The following KCNH5 variants were observed in gnomAD, a reference collection of about 807,000 sequenced individuals.
KCNH5 encodes voltage-gated delayed rectifier potassium channel KCNH5.
Under a neutral mutation model 96.1 loss-of-function variants are expected in KCNH5, and 46 were observed. That is an observed-to-expected ratio of 0.48 (90% CI 0.38 to 0.61). KCNH5 has a LOEUF of 0.61. KCNH5 is among the 20% of genes least tolerant of loss of function. The pLI, the probability that KCNH5 is intolerant of heterozygous loss-of-function variation, is 0.00. For synonymous variants in KCNH5, 439 were observed against 449.8 expected (o/e 0.98, Z 0.30); for missense variants, 907 against 1,225.8 (o/e 0.74, Z 3.88).
At chr14:62,886,542 T>C (rs1473823228) in intron 7 of KCNH5, among the ~76,000 whole-genome samples, 1 of 152,270 alleles carries the variant, frequency 6.6e-6, no homozygotes, top group East Asian at 1.9e-4. Context: ...GTGATACCAG[T>C]TGAAAAGGTA....
intron 8 of KCNH5, among the ~76,000 whole-genome samples, chr14:62,828,205 T>G (rs1227583487): frequency 1.3e-5 from 2 of 152,182 alleles, no homozygotes; most frequent in African/African-American, 2.4e-5. Flanking sequence ...TTTTCTATAT[T>G]TAATTTAATC....
intron 2 of KCNH5, among the ~76,000 whole-genome samples, chr14:63,010,427 T>G (rs1891203533): frequency 6.6e-6 from 1 of 152,190 alleles, no homozygotes; most frequent in African/African-American, 2.4e-5. Flanking sequence ...CCAGGAACCA[T>G]GCTTTCCAAA....
At chr14:63,019,954 A>G (rs115601095) in intron 1 of KCNH5, among the ~76,000 whole-genome samples, 2,620 of 152,236 alleles carry the variant, frequency 0.017, 88 homozygotes, top group African/African-American at 0.06. Flanking sequence ...TCTTATCCAG[A>G]AAATACAAAA....
In KCNH5 at chr14:62,708,015, G is replaced by A; in HGVS notation, c.2460C>T (p.Ala820=). The A allele has an allele frequency of 6.2e-7, 1 of 1,613,974 alleles. No homozygotes were observed. The highest frequency in any genetic ancestry group is 8.5e-7 in the Non-Finnish European group (1 of 1,180,004). Residue 820 remains alanine (A), a synonymous_variant, in exon 11 of 11, where the codon GCC becomes GCT. Coordinates refer to ENST00000322893, the MANE Select transcript of KCNH5 (RefSeq NM_139318.5). Reference sequence around the variant, plus strand: ...TCCAGTCTTCCTTTTTCTCCTCATGGGCTCCCATATTATTCTTGAGTCGCA... The same window carrying A: ...TCCAGTCTTCCTTTTTCTCCTCATGAGCTCCCATATTATTCTTGAGTCGCA... ...GWLRLKNNMG[A]HEEKKEDWNN... is the part of the protein sequence containing the mutation.
At chr14:62,930,180 C>G (rs1376952808) in intron 7 of KCNH5, among the ~76,000 whole-genome samples, 1 of 152,076 alleles carries the variant, frequency 6.6e-6, no homozygotes, top group African/African-American at 2.4e-5. Context: ...AATATTAACT[C>G]TGTTTTAAGT....
chr14:62,705,065 T>G lies in KCNH5; in HGVS notation c.*2443A>C, dbSNP rs1884404648. 6.6e-6 allele frequency: 1 copy of G among 151,980 alleles called. No individual in the cohort carries two copies. The highest frequency in any genetic ancestry group is 2.4e-5 in the African/African-American group (1 of 41,440). The allele number at this position is 151,980 out of a possible 1,614,324, so 9.4% of individuals were successfully genotyped here. A position where few individuals can be genotyped will look rare whatever the true frequency, so the allele number is the denominator to read the frequency against. ...GATAACTGCACCATAATTAAACAAT[T>G]GATACTTTCCCTCCTTCCTAACAAT... is the stretch of plus-strand genomic sequence containing the variant. On this transcript the variant is annotated 3_prime_UTR_variant, in exon 11 of 11. Coordinates refer to ENST00000322893, the MANE Select transcript of KCNH5 (RefSeq NM_139318.5).
At chr14:62,951,002 T>C (rs1029974222) in intron 6 of KCNH5, among the ~76,000 whole-genome samples, 6 of 152,150 alleles carry the variant, frequency 3.9e-5, no homozygotes, top group Non-Finnish European at 8.8e-5. Flanking sequence ...TAGCTACAAA[T>C]AGCAGAACTC....
chr14:62,809,232 T>G (rs1257026002), intron 8 of KCNH5, among the ~76,000 whole-genome samples: 5 of 152,154 alleles, frequency 3.3e-5, no homozygotes, highest in Non-Finnish European at 7.4e-5. Context: ...AAACTAGTTA[T>G]GAGTATTCTT....
intron 5 of KCNH5, 73 bp downstream of exon 5, chr14:62,986,999 T>C (rs1890720519): frequency 3.2e-6 from 3 of 942,594 alleles, no homozygotes; most frequent in Non-Finnish European, 3.5e-6. Flanking sequence ...GAAATATCTA[T>C]ATTAAATCAT....
In KCNH5 at chr14:62,708,178, G is replaced by C. The variant is rs2139899218; in HGVS notation, c.2297C>G (p.Ala766Gly). 2 of 1,614,240 alleles carry C rather than the reference G, an allele frequency of 1.2e-6. No homozygotes were observed. The highest frequency in any genetic ancestry group is 2.2e-5 in the East Asian group (1 of 44,886). Reference sequence around the variant, plus strand: ...AAGGGATTCACTGGTTTTCACATAGGCCAGAGACGTCTGAATGGGAGTAAT... The same window carrying C: ...AAGGGATTCACTGGTTTTCACATAGCCCAGAGACGTCTGAATGGGAGTAAT... Reference protein sequence around the residue: ...SQITPIQTSLAYVKTSESLKQ... With the variant: ...SQITPIQTSLGYVKTSESLKQ... The change falls in exon 11 of 11, where the codon GCC (alanine) becomes GGC (glycine). Residue 766 changes from alanine to glycine, a missense_variant. Ala to Gly is a moderately conservative substitution (Grantham distance 60, BLOSUM62 0). Coordinates refer to ENST00000322893, the MANE Select transcript of KCNH5 (RefSeq NM_139318.5).
chr14:62,709,189 C>T (rs998352557), intron 10 of KCNH5, among the ~76,000 whole-genome samples: 10 of 134,254 alleles, frequency 7.4e-5, no homozygotes, highest in Non-Finnish European at 3.1e-5. Context: ...GCGGAGATCG[C>T]GCCACAGCAC....
chr14:62,878,201 T>TGGGGG (rs66735494), intron 7 of KCNH5, among the ~76,000 whole-genome samples: 3 of 89,602 alleles, frequency 3.3e-5, no homozygotes, highest in African/African-American at 1.6e-4. Context: ...GTTGTGGGGA[T>TGGGGG]GGGGGGGGGG....
chr14:62,963,250 T>C (rs541613903), intron 6 of KCNH5, among the ~76,000 whole-genome samples: 2 of 152,280 alleles, frequency 1.3e-5, no homozygotes, highest in African/African-American at 4.8e-5. Context: ...TTAAACTTTA[T>C]CATAGGTACG....
intron 9 of KCNH5, among the ~76,000 whole-genome samples, chr14:62,799,334 T>C (rs1395846242): frequency 6.6e-6 from 1 of 151,902 alleles, no homozygotes; most frequent in Admixed American, 6.6e-5. Context: ...CCCAGCACTT[T>C]GGGAGGCCGA....
chr14:62,850,920 CA>C, intron 7 of KCNH5, among the ~76,000 whole-genome samples: 1 of 152,260 alleles, frequency 6.6e-6, no homozygotes, highest in East Asian at 1.9e-4. Context: ...ATCCTCCAAG[CA>C]TTTGAAAAAT....
intron 1 of KCNH5, among the ~76,000 whole-genome samples, chr14:63,042,430 C>A (rs935339109): frequency 2.0e-5 from 3 of 152,070 alleles, no homozygotes; most frequent in Non-Finnish European, 4.4e-5. Flanking sequence ...ACTGTAAGAT[C>A]TGACCTTTTC....
intron 7 of KCNH5, among the ~76,000 whole-genome samples, chr14:62,906,863 G>A (rs1361214251): frequency 6.6e-6 from 1 of 152,088 alleles, no homozygotes; most frequent in Non-Finnish European, 1.5e-5. Flanking sequence ...TACTTGAGAA[G>A]GAATCAGAAT....
At chr14:62,978,995 G>C (rs1233182190) in intron 6 of KCNH5, among the ~76,000 whole-genome samples, 1 of 152,090 alleles carries the variant, frequency 6.6e-6, no homozygotes, top group Non-Finnish European at 1.5e-5. Context: ...TTGTATAATA[G>C]ATTTCTTGAA....
chr14:62,776,754 A>G (rs1487893039), intron 10 of KCNH5, among the ~76,000 whole-genome samples: 1 of 152,236 alleles, frequency 6.6e-6, no homozygotes, highest in Non-Finnish European at 1.5e-5. Context: ...ATTTTTACAT[A>G]GAGGGGCTTA....
Sources: allele counts gnomAD v4.1 joint callset (sites outside exome capture counted in the v4.1 genomes callset), GRCh38; gene constraint gnomAD v4.1.1; transcripts MANE v1.5; gene names NCBI Gene and HGNC (gene_info 2026-07-23, HGNC 2026-07-21).